Variants in CHODL observed in about 807,000 individuals in gnomAD.
The protein encoded by CHODL is chondrolectin.
In CHODL, 29 loss-of-function variants were observed where a neutral mutation model predicts 34.5. That is an observed-to-expected ratio of 0.84 (90% CI 0.63 to 1.15). The LOEUF is 1.15. Among genes scored for constraint, CHODL ranks in the 50% most tolerant of loss-of-function variants. CHODL has a pLI of 0.00. For missense variants in CHODL, 332 were observed against 332.5 expected, an observed-to-expected ratio of 1.00 and a Z score of 0.01; for synonymous variants, 125 against 116.1, an observed-to-expected ratio of 1.08 and a Z score of -0.49.
At chr21:17,969,161 C>T (rs887238858) in intron 1 of CHODL, among the ~76,000 whole-genome samples, 1 of 152,166 alleles carries the variant, frequency 6.6e-6, no homozygotes, top group Non-Finnish European at 1.5e-5. Context: ...ATTTTCTTCT[C>T]ATATTCACTT....
chr21:18,238,455 G>A (rs1568949830), intron 2 of CHODL, among the ~76,000 whole-genome samples: 2 of 152,114 alleles, frequency 1.3e-5, no homozygotes. Flanking sequence ...TCACTACCTT[G>A]AGGACAATAT....
chr21:18,011,196 T>G (rs1178348164), intron 1 of CHODL, among the ~76,000 whole-genome samples: 3 of 152,236 alleles, frequency 2.0e-5, no homozygotes, highest in Non-Finnish European at 4.4e-5. Flanking sequence ...ATATTTAATG[T>G]TTGTATTAAA....
chr21:18,178,134 A>C (rs1182503837), intron 2 of CHODL, among the ~76,000 whole-genome samples: 1 of 152,122 alleles, frequency 6.6e-6, no homozygotes, highest in Non-Finnish European at 1.5e-5. Flanking sequence ...TTTACAATAT[A>C]ATTTTCTAAT....
At chr21:17,921,760 T>C (rs1430277364) in intron 1 of CHODL, among the ~76,000 whole-genome samples, 2 of 152,170 alleles carry the variant, frequency 1.3e-5, no homozygotes, top group African/African-American at 4.8e-5. Context: ...AGGTTAAGGC[T>C]ACAGTCAGGA....
chr21:18,229,250 G>T (rs1240320620), intron 2 of CHODL, among the ~76,000 whole-genome samples: 2 of 152,156 alleles, frequency 1.3e-5, no homozygotes, highest in Non-Finnish European at 2.9e-5. Context: ...TCATGAACTT[G>T]TGTATTCGTA....
chr21:18,151,318 C>T, intron 2 of CHODL, among the ~76,000 whole-genome samples: 2 of 152,066 alleles, frequency 1.3e-5, no homozygotes, highest in South Asian at 4.1e-4. Flanking sequence ...ATGCTGCAGT[C>T]ATGCCTATCC....
At chr21:17,946,739 C>T (rs1422649490) in intron 1 of CHODL, among the ~76,000 whole-genome samples, 5 of 152,054 alleles carry the variant, frequency 3.3e-5, no homozygotes, top group African/African-American at 1.2e-4. Flanking sequence ...TTCTTGATTT[C>T]CATTTGTATG....
At chr21:18,069,984 T>TTCCCTTCCCTTCCCTTCCCTTCCC (rs2064777458) in intron 2 of CHODL, among the ~76,000 whole-genome samples, 1 of 44,052 alleles carries the variant, frequency 2.3e-5, no homozygotes, top group African/African-American at 7.1e-5. Flanking sequence ...CCTCCTTTTC[T>TTCCCTTCCCTTCCCTTCCCTTCCC]TTCCCTTCCC....
At chr21:17,998,598 G>A (rs950858254) in intron 1 of CHODL, among the ~76,000 whole-genome samples, 15 of 152,224 alleles carry the variant, frequency 9.9e-5, no homozygotes, top group Non-Finnish European at 2.2e-4. Flanking sequence ...AAATCTAGCC[G>A]GAGGTTCCTA....
intron 2 of CHODL, among the ~76,000 whole-genome samples, chr21:18,088,153 GAC>G (rs1415764460): frequency 2.0e-5 from 3 of 152,176 alleles, no homozygotes; most frequent in South Asian, 2.1e-4. Context: ...TTTGGGCAGT[GAC>G]ACGAGCCAAA....
At chr21:18,190,877 G>C (rs771764707) in intron 2 of CHODL, among the ~76,000 whole-genome samples, 4 of 152,114 alleles carry the variant, frequency 2.6e-5, no homozygotes, top group Non-Finnish European at 5.9e-5. Flanking sequence ...ATTTTGCTGG[G>C]AAGAGTTACT....
intron 1 of CHODL, among the ~76,000 whole-genome samples, chr21:17,920,549 C>A (rs953894491): frequency 6.6e-6 from 1 of 152,190 alleles, no homozygotes; most frequent in African/African-American, 2.4e-5. Context: ...ATGGGAGTTA[C>A]AATTCAAGAT....
chr21:17,949,777 T>G (rs1363663208), intron 1 of CHODL, among the ~76,000 whole-genome samples: 2 of 152,082 alleles, frequency 1.3e-5, no homozygotes, highest in Middle Eastern at 3.2e-3. Context: ...AATAAAGATC[T>G]AAAGTAAAGG....
chr21:18,224,679 A>G (rs538406885), intron 2 of CHODL, among the ~76,000 whole-genome samples: 1 of 152,264 alleles, frequency 6.6e-6, no homozygotes, highest in African/African-American at 2.4e-5. Context: ...CTTCCCATAT[A>G]TATTCCATTG....
At chr21:17,923,395 A>C (rs1250092308) in intron 1 of CHODL, among the ~76,000 whole-genome samples, 2 of 127,942 alleles carry the variant, frequency 1.6e-5, no homozygotes, top group African/African-American at 5.4e-5. Context: ...AAAAAGTAAA[A>C]AGATGTTAAC....
At chr21:17,965,033 A>G (rs1790765733) in intron 1 of CHODL, among the ~76,000 whole-genome samples, 1 of 152,234 alleles carries the variant, frequency 6.6e-6, no homozygotes, top group Admixed American at 6.5e-5. Flanking sequence ...TTCAGAAAAG[A>G]CTATTCATAA....
intron 2 of CHODL, among the ~76,000 whole-genome samples, chr21:18,122,901 G>A (rs550547024): frequency 1.4e-4 from 22 of 152,086 alleles, no homozygotes; most frequent in East Asian, 1.4e-3. Context: ...CTCTCCCATC[G>A]TTATATGTTA....
chr21:18,100,879 A>AT (rs1295689440), intron 2 of CHODL, among the ~76,000 whole-genome samples: 2 of 152,024 alleles, frequency 1.3e-5, no homozygotes, highest in Admixed American at 6.6e-5. Flanking sequence ...TGGTCTTAAG[A>AT]TTTTTTTCCC....
At chr21:18,065,426 G>A (rs2064720021) in intron 2 of CHODL, among the ~76,000 whole-genome samples, 1 of 152,112 alleles carries the variant, frequency 6.6e-6, no homozygotes, top group African/African-American at 2.4e-5. Flanking sequence ...TGTGATTAAC[G>A]GAATGCACAT....
Sources: gnomAD v4.1 joint callset for allele counts (sites outside exome capture counted in the v4.1 genomes callset) on GRCh38, gnomAD v4.1.1 for gene constraint, MANE v1.5 for transcripts, NCBI Gene and HGNC (gene_info 2026-07-23, HGNC 2026-07-21) for gene names.